The following ATP8A2 variants were observed in gnomAD, a reference collection of about 807,000 sequenced individuals.
The protein encoded by ATP8A2 is phospholipid-transporting ATPase IB.
ATP8A2 carries 100 observed loss-of-function variants against 165.6 expected under a neutral mutation model. That is an observed-to-expected ratio of 0.60 (90% CI 0.51 to 0.71). ATP8A2 has a LOEUF of 0.71. Among genes scored for constraint, ATP8A2 ranks in the 30% least tolerant of loss-of-function variants. The pLI is 0.00. For synonymous variants in ATP8A2, 543 were observed against 548.8 expected, an observed-to-expected ratio of 0.99 and a Z score of 0.15; for missense variants, 1,227 against 1,479.5, an observed-to-expected ratio of 0.83 and a Z score of 2.80.
chr13:25,892,386 T>A (rs188760418), intron 33 of ATP8A2, among the ~76,000 whole-genome samples: 1 of 152,258 alleles, frequency 6.6e-6, no homozygotes, highest in East Asian at 1.9e-4. Flanking sequence ...AATTTGGCTT[T>A]ATGGGTGGAA....
chr13:25,416,209 A>G (rs902929376), intron 1 of ATP8A2, among the ~76,000 whole-genome samples: 1 of 152,190 alleles, frequency 6.6e-6, no homozygotes, highest in Non-Finnish European at 1.5e-5. Flanking sequence ...TGCAGCCTCC[A>G]TGAGACAGGC....
At chr13:25,943,258 A>G (rs1366816986) in intron 33 of ATP8A2, among the ~76,000 whole-genome samples, 1 of 152,172 alleles carries the variant, frequency 6.6e-6, no homozygotes, top group African/African-American at 2.4e-5. Flanking sequence ...TATGCTGTCA[A>G]CTGGAGGCTT....
At chr13:25,592,041 T>A (rs1476138779) in intron 24 of ATP8A2, among the ~76,000 whole-genome samples, 1 of 151,902 alleles carries the variant, frequency 6.6e-6, no homozygotes, top group Non-Finnish European at 1.5e-5. Context: ...TTTTTTTTTT[T>A]AATAGTAGCC....
At chr13:25,549,664 C>CT (rs1236607091) in intron 10 of ATP8A2, among the ~76,000 whole-genome samples, 1 of 152,060 alleles carries the variant, frequency 6.6e-6, no homozygotes, top group South Asian at 2.1e-4. Flanking sequence ...TATTACTGTA[C>CT]TGGTTTCCTC....
intron 33 of ATP8A2, among the ~76,000 whole-genome samples, chr13:25,891,741 G>T (rs987279926): frequency 6.6e-6 from 1 of 152,090 alleles, no homozygotes; most frequent in African/African-American, 2.4e-5. Flanking sequence ...TATAATTCCT[G>T]CCTCTGCATT....
intron 36 of ATP8A2, among the ~76,000 whole-genome samples, chr13:26,016,844 C>A (rs1183892154): frequency 6.6e-6 from 1 of 152,182 alleles, no homozygotes; most frequent in East Asian, 1.9e-4. Flanking sequence ...TGAACATGTC[C>A]TGGAGCCCAT....
intron 24 of ATP8A2, among the ~76,000 whole-genome samples, chr13:25,623,683 G>A (rs1373257130): frequency 6.6e-6 from 1 of 151,958 alleles, no homozygotes; most frequent in East Asian, 1.9e-4. Flanking sequence ...TGGACTTTTG[G>A]ACATGGGAGA....
intron 25 of ATP8A2, among the ~76,000 whole-genome samples, chr13:25,767,086 A>G (rs148703248): frequency 6.6e-6 from 1 of 152,352 alleles, no homozygotes; most frequent in African/African-American, 2.4e-5. Flanking sequence ...TTCTCCAACT[A>G]TATTTGATCT....
At chr13:25,891,989 T>G (rs1302694612) in intron 33 of ATP8A2, among the ~76,000 whole-genome samples, 1 of 150,150 alleles carries the variant, frequency 6.7e-6, no homozygotes, top group Non-Finnish European at 1.5e-5. Context: ...AAAGCCTTTT[T>G]CTTTTTTTTT....
intron 25 of ATP8A2, among the ~76,000 whole-genome samples, chr13:25,763,066 A>G (rs531640927): frequency 6.6e-6 from 1 of 152,278 alleles, no homozygotes; most frequent in South Asian, 2.1e-4. Flanking sequence ...TAACACCTTC[A>G]TCTCTAGAGG....
At chr13:25,945,017 G>A (rs906832603) in intron 33 of ATP8A2, among the ~76,000 whole-genome samples, 2 of 152,160 alleles carry the variant, frequency 1.3e-5, no homozygotes, top group Non-Finnish European at 1.5e-5. Context: ...TAGAAGAGAG[G>A]GGAGCCTGAA....
At chr13:25,503,797 G>T (rs2036934586) in intron 2 of ATP8A2, among the ~76,000 whole-genome samples, 1 of 152,188 alleles carries the variant, frequency 6.6e-6, no homozygotes, top group African/African-American at 2.4e-5. Context: ...CAAGTTTGGT[G>T]TGGCATGTGA....
chr13:25,876,079 GA>G (rs1294734687), intron 33 of ATP8A2, among the ~76,000 whole-genome samples: 2 of 152,126 alleles, frequency 1.3e-5, no homozygotes, highest in Admixed American at 6.5e-5. Flanking sequence ...TTTTGGTTGA[GA>G]AAAATGTGAC....
chr13:25,957,856 G>A (rs1391740518), intron 33 of ATP8A2, among the ~76,000 whole-genome samples: 1 of 152,032 alleles, frequency 6.6e-6, no homozygotes, highest in African/African-American at 2.4e-5. Context: ...CAAAGACTTG[G>A]AACCAACCCA....
intron 23 of ATP8A2, among the ~76,000 whole-genome samples, chr13:25,586,275 G>A (rs970016083): frequency 6.6e-6 from 1 of 152,192 alleles, no homozygotes; most frequent in African/African-American, 2.4e-5. Flanking sequence ...AGTCTTCCTG[G>A]ATGAGAGGAG....
chr13:25,712,228 A>G (rs1216452465), intron 25 of ATP8A2, among the ~76,000 whole-genome samples: 1 of 152,158 alleles, frequency 6.6e-6, no homozygotes. Context: ...TTTTGGCTTA[A>G]TGGGTCAGGG....
chr13:25,513,941 AC>A (rs2037374825), intron 2 of ATP8A2, among the ~76,000 whole-genome samples: 1 of 135,926 alleles, frequency 7.4e-6, no homozygotes, highest in South Asian at 2.7e-4. Flanking sequence ...TCAGAGGGAG[AC>A]CGTGGAAAGA....
intron 1 of ATP8A2, among the ~76,000 whole-genome samples, chr13:25,388,615 A>G (rs1219059202): frequency 1.3e-5 from 2 of 152,198 alleles, no homozygotes; most frequent in African/African-American, 4.8e-5. Flanking sequence ...TAATCTATAG[A>G]TAACATAACC....
chr13:25,937,409 G>T, intron 33 of ATP8A2, among the ~76,000 whole-genome samples: 2 of 96,826 alleles, frequency 2.1e-5, no homozygotes. Flanking sequence ...CATTGGTTGT[G>T]TTTGGAAAAA....
Sources: gnomAD v4.1 joint callset for allele counts (sites outside exome capture counted in the v4.1 genomes callset) on GRCh38, gnomAD v4.1.1 for gene constraint, MANE v1.5 for transcripts, NCBI Gene and HGNC (gene_info 2026-07-23, HGNC 2026-07-21) for gene names.